Variants in INPP4A observed in about 807,000 individuals in gnomAD.
INPP4A encodes inositol polyphosphate-4-phosphatase, type I, 107kD.
A neutral mutation model predicts 119.8 loss-of-function variants in INPP4A; 33 were observed. That is an observed-to-expected ratio of 0.28 (90% CI 0.21 to 0.37). The LOEUF (loss-of-function observed/expected upper bound fraction) is 0.37, where lower values mean the gene tolerates loss of function less well. Ranked by LOEUF, INPP4A falls within the 10% of genes least tolerant of loss-of-function variation. The pLI is 1.00. For synonymous variants in INPP4A, 496 were observed against 500.7 expected, an observed-to-expected ratio of 0.99 and a Z score of 0.12; for missense variants, 956 against 1,289.9, an observed-to-expected ratio of 0.74 and a Z score of 3.97.
intron 1 of INPP4A, among the ~76,000 whole-genome samples, chr2:98,452,690 C>G (rs1182806470): frequency 6.6e-6 from 1 of 152,180 alleles, no homozygotes; most frequent in African/African-American, 2.4e-5. Flanking sequence ...TTCTCAGCCC[C>G]CTTGCCTCAA....
At chr2:98,517,429 G>A (rs1038678544) in intron 1 of INPP4A, among the ~76,000 whole-genome samples, 13 of 152,122 alleles carry the variant, frequency 8.5e-5, no homozygotes, top group Admixed American at 1.3e-4. Context: ...AAGTAGAGAC[G>A]GCCAGTTTTC....
intron 1 of INPP4A, among the ~76,000 whole-genome samples, chr2:98,470,659 CT>C (rs1468968438): frequency 2.0e-5 from 3 of 151,872 alleles, no homozygotes; most frequent in Non-Finnish European, 2.9e-5. Flanking sequence ...GAAGACATTT[CT>C]TTTTTTCTTT....
At chr2:98,511,025 C>G (rs1685033541) in intron 1 of INPP4A, among the ~76,000 whole-genome samples, 1 of 152,078 alleles carries the variant, frequency 6.6e-6, no homozygotes, top group African/African-American at 2.4e-5. Flanking sequence ...AAGGGATACG[C>G]ATTGCCAGCA....
chr2:98,532,304 ACTC>A (rs1372925915), intron 4 of INPP4A, among the ~76,000 whole-genome samples: 6 of 149,762 alleles, frequency 4.0e-5, no homozygotes, highest in African/African-American at 7.4e-5. Context: ...TCATCCCATC[ACTC>A]CTCCTCTCTC....
At chr2:98,471,902 A>G (rs1238229119) in intron 1 of INPP4A, among the ~76,000 whole-genome samples, 1 of 152,174 alleles carries the variant, frequency 6.6e-6, no homozygotes, top group Admixed American at 6.5e-5. Context: ...GACTGATTGA[A>G]GAAGTAACAA....
chr2:98,577,783 G>A (rs560627632), intron 24 of INPP4A, among the ~76,000 whole-genome samples: 1 of 152,270 alleles, frequency 6.6e-6, no homozygotes, highest in South Asian at 2.1e-4. Flanking sequence ...ACTGTTGATC[G>A]ATGCCTTGTT....
chr2:98,535,003 C>T (rs1407045027), intron 5 of INPP4A, among the ~76,000 whole-genome samples: 1 of 152,146 alleles, frequency 6.6e-6, no homozygotes, highest in Non-Finnish European at 1.5e-5. Flanking sequence ...GTTGAGGCCC[C>T]AGCAGCCCAC....
chr2:98,461,041 A>G (rs1482176231), intron 1 of INPP4A, among the ~76,000 whole-genome samples: 2 of 152,154 alleles, frequency 1.3e-5, no homozygotes, highest in African/African-American at 4.8e-5. Context: ...CATCTTCTCC[A>G]TAGCCACGCC....
At position 98,592,750 on chromosome 2, in the gene INPP4A, C is replaced by T. The variant is rs1406709832; in HGVS notation, c.*5142C>T. ...TAGTGGCCCTGGCTGCAACTGACCT[C>T]CTGATGCCCTGCTGACGCTAACTGT... On this transcript the variant is annotated 3_prime_UTR_variant, in exon 25 of 25. Transcript: ENST00000409851. 2 of 152,444 alleles carry T rather than the reference C, an allele frequency of 1.3e-5. No individual in the cohort carries two copies. Among genetic ancestry groups the T allele is most frequent in the African/African-American group, 2.4e-5 (1 of 41,476 alleles). 9.4% of individuals were successfully genotyped at this position (152,444 alleles called of 1,614,324 possible).
chr2:98,594,292 C>T lies in INPP4A; in HGVS notation c.*6684C>T, dbSNP rs879715807. On this transcript the variant is annotated 3_prime_UTR_variant, in exon 25 of 25. Transcript: ENST00000409851. ...GGCAATGTTATCTTGATCTGGATGG[C>T]CAGTTACATGACAGATTACTTTGTT... 1 of 152,188 alleles carries T rather than the reference C, an allele frequency of 6.6e-6. No homozygotes were observed. The highest frequency in any genetic ancestry group is 1.5e-5 in the Non-Finnish European group (1 of 68,040). 9.4% of individuals were successfully genotyped at this position (152,188 alleles called of 1,614,324 possible). A position where few individuals can be genotyped will look rare whatever the true frequency, so the allele number is the denominator to read the frequency against.
rs1051063126 is a variant in INPP4A at position 98,554,029 on chromosome 2, T to G, written c.1348-242T>G. On this transcript the variant is annotated intron_variant, in intron 14 of 24. Coordinates refer to ENST00000409851, the MANE Select transcript of INPP4A (RefSeq NM_001134225.2). This position sits in a 1 kb window ranked among gnomAD's most constrained non-coding sequence, Gnocchi z 4.7. ...GCAGGGATCAGAGAATGTCAGAGAT[T>G]TCTCAACCTCTTCTCTTCCTTGGTG... Among the ~76,000 whole-genome samples, 1 of 152,234 alleles carries G rather than the reference T, an allele frequency of 6.6e-6. No homozygotes were observed. The highest frequency in any genetic ancestry group is 1.5e-5 in the Non-Finnish European group (1 of 68,036).
intron 1 of INPP4A, among the ~76,000 whole-genome samples, chr2:98,468,515 A>G (rs1422877856): frequency 6.6e-6 from 1 of 152,102 alleles, no homozygotes; most frequent in East Asian, 1.9e-4. Flanking sequence ...CTAGGATTTC[A>G]GGTATGAGCC....
intron 1 of INPP4A, among the ~76,000 whole-genome samples, chr2:98,489,703 C>G (rs755935518): frequency 1.3e-5 from 2 of 152,174 alleles, no homozygotes; most frequent in Non-Finnish European, 2.9e-5. Flanking sequence ...ACTCTGCTTC[C>G]TCTTCTTCTG....
At chr2:98,556,082 G>A (rs957585089) in intron 16 of INPP4A, 44 of 426,892 alleles carry the variant, frequency 1.0e-4, no homozygotes, top group Middle Eastern at 5.9e-4. Flanking sequence ...GGCTATAAGG[G>A]TTGGGCTCCT....
chr2:98,557,703 C>T (rs937815891), intron 16 of INPP4A, among the ~76,000 whole-genome samples: 4 of 152,260 alleles, frequency 2.6e-5, no homozygotes, highest in African/African-American at 9.6e-5. Context: ...CAGAGCTGCC[C>T]TGCCCTGATC....
chr2:98,501,824 C>T (rs1000984691), intron 1 of INPP4A, among the ~76,000 whole-genome samples: 2 of 152,214 alleles, frequency 1.3e-5, no homozygotes, highest in Non-Finnish European at 2.9e-5. Context: ...TCCAACTCTA[C>T]ATCAGTTGCG....
rs1361567346 is a variant in INPP4A, at chr2:98,593,109, C to G, written c.*5501C>G. 1 of 152,320 alleles carries G rather than the reference C, an allele frequency of 6.6e-6. No homozygotes were observed. Among genetic ancestry groups the G allele is most frequent in the Non-Finnish European group, 1.5e-5 (1 of 68,090 alleles). 9.4% of individuals were successfully genotyped at this position (152,320 alleles called of 1,614,324 possible). A position where few individuals can be genotyped will look rare whatever the true frequency, so the allele number is the denominator to read the frequency against. ...AGGGTGTAGCCTGAAAACACCCATA[C>G]TCTAGATTCCCTCCACTGGAACCCT... On this transcript the variant is annotated 3_prime_UTR_variant, in exon 25 of 25. Transcript: ENST00000409851.
intron 16 of INPP4A, 90 bp downstream of exon 16, chr2:98,555,898 C>T: frequency 7.0e-7 from 1 of 1,435,510 alleles, no homozygotes; most frequent in African/African-American, 1.4e-5. Flanking sequence ...ATGCCCTCCT[C>T]CCCCATGCAG....
chr2:98,466,592 G>A lies in INPP4A; in HGVS notation c.-166+21507G>A, dbSNP rs1032052908. ...GAGAGAATTGCGGCTCAGAGAAGTT[G>A]TCACCCAGCTGGTTGGTGGCAGAGG... On this transcript the variant is annotated intron_variant, in intron 1 of 24. Transcript: ENST00000409851. Among the ~76,000 whole-genome samples the A allele has an allele frequency of 3.9e-5, 6 of 152,234 alleles. No individual in the cohort carries two copies. The South Asian group carries it at 1.2e-3, about 31-fold the overall frequency.
Sources: allele counts gnomAD v4.1 joint callset (sites outside exome capture counted in the v4.1 genomes callset), GRCh38; gene constraint gnomAD v4.1.1; non-coding constraint Gnocchi (gnomAD v3.1); transcripts MANE v1.5; gene names NCBI Gene and HGNC (gene_info 2026-07-23, HGNC 2026-07-21).